Variants in SRGAP3 observed in about 807,000 individuals in gnomAD.
SRGAP3 encodes the protein SLIT-ROBO Rho GTPase activating protein 3, also known as SLIT-ROBO Rho GTPase-activating protein 3.
Under a neutral mutation model 121.1 loss-of-function variants are expected in SRGAP3, and 39 were observed. The ratio of observed to expected loss-of-function variants is 0.32; its 90% CI spans 0.25 to 0.42. The LOEUF is 0.42. Among genes scored for constraint, SRGAP3 ranks in the 10% least tolerant of loss-of-function variants. The pLI is 1.00. For missense variants in SRGAP3, 1,213 were observed against 1,470.6 expected, an observed-to-expected ratio of 0.82 and a Z score of 2.86; for synonymous variants, 601 against 570.0, an observed-to-expected ratio of 1.05 and a Z score of -0.77.
chr3:9,127,777 G>C (rs562664644), intron 1 of SRGAP3, among the ~76,000 whole-genome samples: 1 of 152,176 alleles, frequency 6.6e-6, no homozygotes, highest in Non-Finnish European at 1.5e-5. Flanking sequence ...AATTAGCTGG[G>C]CATGGTGGCA....
intron 1 of SRGAP3, among the ~76,000 whole-genome samples, chr3:9,159,078 G>C (rs1029904384): frequency 6.6e-6 from 1 of 152,096 alleles, no homozygotes; most frequent in Non-Finnish European, 1.5e-5. Context: ...AAGGGCCTCT[G>C]TTCCAGGTTC....
intron 1 of SRGAP3, among the ~76,000 whole-genome samples, chr3:9,180,253 T>C (rs1951333444): frequency 6.6e-6 from 1 of 152,214 alleles, no homozygotes; most frequent in Non-Finnish European, 1.5e-5. Flanking sequence ...CAAGTGGCCA[T>C]TGCTAGGGAA....
rs764045097 is a variant in SRGAP3 at position 8,985,961 on chromosome 3, C to T, written c.2887-29G>A. 19 of 1,599,458 alleles carry T rather than the reference C, an allele frequency of 1.2e-5. No individual in the cohort carries two copies. The Admixed American group carries it at 3.0e-4, about 25-fold the overall frequency. On this transcript the variant is annotated intron_variant, in intron 21 of 21. Coordinates refer to ENST00000383836, the MANE Select transcript of SRGAP3 (RefSeq NM_014850.4). This position sits in a 1 kb window ranked among gnomAD's most constrained non-coding sequence, Gnocchi z 5.1. ...GGGACAGAGGGAGCTGGGGTCAGCA[C>T]AGTCTGGAGACCTGGAGTCAGGTCC...
Position 9,124,706 on chromosome 3 carries a change from C to T in SRGAP3, c.260+19G>A. 6.2e-7 allele frequency: 1 copy of T among 1,613,722 alleles called. No homozygotes were observed. The highest frequency in any genetic ancestry group is 1.7e-4 in the Middle Eastern group (1 of 6,058). On this transcript the variant is annotated intron_variant, in intron 2 of 21. Transcript: ENST00000383836. Reference sequence around the variant, plus strand: ...CAGTGCTGCCTCCCATCTCTGTGCACCCATACCCAACTTCTTACTTGAACT... The same window carrying T: ...CAGTGCTGCCTCCCATCTCTGTGCATCCATACCCAACTTCTTACTTGAACT...
chr3:8,992,916 C>G lies in SRGAP3; in HGVS notation c.2548G>C (p.Val850Leu). Residue 850 changes from valine (V) to leucine (L), a missense_variant, in exon 20 of 22, where the codon GTG becomes CTG. By Grantham distance (32) the Val-to-Leu change is conservative. This residue lies in a region of SRGAP3 where 420 missense variants were observed against 437.7 expected (regional missense o/e 0.96). Coordinates refer to ENST00000383836, the MANE Select transcript of SRGAP3 (RefSeq NM_014850.4). ...EHISDYGFGG[V>L]MGRVRLRSDG... Reference sequence around the variant, plus strand: ...ATCCGCATATCCTACCGGCCCATCACCCCCCCAAAGCCGTAATCCGAGATG... The same window carrying G: ...ATCCGCATATCCTACCGGCCCATCAGCCCCCCAAAGCCGTAATCCGAGATG... 1 of 1,613,910 alleles carries G rather than the reference C, an allele frequency of 6.2e-7. No homozygotes were observed. The highest frequency in any genetic ancestry group is 1.1e-5 in the South Asian group (1 of 91,072).
At chr3:9,176,104 TAG>T (rs1439739875) in intron 1 of SRGAP3, among the ~76,000 whole-genome samples, 1 of 152,106 alleles carries the variant, frequency 6.6e-6, no homozygotes, top group East Asian at 1.9e-4. Context: ...GTATTTTTAG[TAG>T]AGATAGGGTT....
rs1189295090 is a variant in SRGAP3, at chr3:8,985,230, A to G, written c.*289T>C. Reference sequence around the variant, plus strand: ...GAAGTTTCCAGTGACGATATGCGGGAGAAGCCATGTGGTATTTTGCCTCCA... The same window carrying G: ...GAAGTTTCCAGTGACGATATGCGGGGGAAGCCATGTGGTATTTTGCCTCCA... On this transcript the variant is annotated 3_prime_UTR_variant, in exon 22 of 22. Coordinates refer to ENST00000383836, the MANE Select transcript of SRGAP3 (RefSeq NM_014850.4). The surrounding 1 kb of genome is among the most constrained non-coding windows in gnomAD (Gnocchi z 5.1). 3.9e-5 allele frequency: 20 copies of G among 514,574 alleles called. No homozygotes were observed. Among genetic ancestry groups the G allele is most frequent in the Non-Finnish European group, 5.5e-5 (16 of 290,730 alleles). The allele number at this position is 514,574 out of a possible 1,614,324, so 31.9% of individuals were successfully genotyped here. A position where few individuals can be genotyped will look rare whatever the true frequency, so the allele number is the denominator to read the frequency against.
chr3:8,986,366 C>A (rs543082081), intron 21 of SRGAP3, among the ~76,000 whole-genome samples: 28 of 152,290 alleles, frequency 1.8e-4, no homozygotes, highest in African/African-American at 6.5e-4. Flanking sequence ...CCTGGCCTGA[C>A]CCCTGGCACA....
chr3:9,249,209 C>T lies in SRGAP3; in HGVS notation c.-258G>A. 1.8e-6 allele frequency: 1 copy of T among 561,036 alleles called. No homozygotes were observed. Among genetic ancestry groups the T allele is most frequent in the African/African-American group, 1.9e-5 (1 of 53,352 alleles). 34.8% of individuals were successfully genotyped at this position (561,036 alleles called of 1,614,324 possible). On this transcript the variant is annotated 5_prime_UTR_variant, in exon 1 of 22. Coordinates refer to ENST00000383836, the MANE Select transcript of SRGAP3 (RefSeq NM_014850.4). ...TGCAAAAGAAGAATCACCCTAGGAG[C>T]ACAGTAACCTGCCCCAGATTTTCAA...
intron 2 of SRGAP3, among the ~76,000 whole-genome samples, chr3:9,123,404 ATAC>A (rs1220471852): frequency 0.06 from 106 of 1,760 alleles, no homozygotes; most frequent in South Asian, 0.23. Flanking sequence ...CACAATACAC[ATAC>A]ATACACATAC....
At chr3:9,163,664 C>A (rs1052615562) in intron 1 of SRGAP3, among the ~76,000 whole-genome samples, 1 of 152,160 alleles carries the variant, frequency 6.6e-6, no homozygotes, top group Admixed American at 6.5e-5. Context: ...ATCGGCCTGG[C>A]CTGAACCACT....
chr3:9,201,833 A>C (rs113581071), intron 1 of SRGAP3, among the ~76,000 whole-genome samples: 6 of 152,218 alleles, frequency 3.9e-5, no homozygotes. Flanking sequence ...AAAGACACCA[A>C]CATTTCATGA....
chr3:8,987,965 G>C (rs7611316), intron 21 of SRGAP3, among the ~76,000 whole-genome samples: 15 of 152,258 alleles, frequency 9.9e-5, no homozygotes, highest in Admixed American at 3.3e-4. Context: ...GAGCTGCATG[G>C]TGAAACTTTA....
chr3:9,276,457 C>A (rs985339446), intron 3 of SRGAP3, among the ~76,000 whole-genome samples: 1 of 151,192 alleles, frequency 6.6e-6, no homozygotes, highest in African/African-American at 2.4e-5. Flanking sequence ...ATGGAGTCTC[C>A]CACTGTCGCC....
At chr3:9,036,791 T>G (rs938694642) in intron 11 of SRGAP3, 1 of 152,160 alleles carries the variant, frequency 6.6e-6, no homozygotes, top group Non-Finnish European at 1.5e-5. Context: ...ACAGCTTCTG[T>G]TGTTTTGAGA....
chr3:9,018,192 C>A (rs987154910), intron 14 of SRGAP3, among the ~76,000 whole-genome samples: 4 of 152,204 alleles, frequency 2.6e-5, no homozygotes, highest in African/African-American at 9.6e-5. Context: ...TTTCATTCTT[C>A]TTTATGGCTG....
At chr3:9,091,336 A>C (rs141787987) in intron 3 of SRGAP3, among the ~76,000 whole-genome samples, 3 of 152,078 alleles carry the variant, frequency 2.0e-5, no homozygotes, top group African/African-American at 7.2e-5. Flanking sequence ...TGATTTTCCT[A>C]ATTCTGGGAT....
chr3:9,233,698 A>C (rs2125225065), intron 1 of SRGAP3, among the ~76,000 whole-genome samples: 1 of 152,362 alleles, frequency 6.6e-6, no homozygotes, highest in Non-Finnish European at 1.5e-5. Context: ...TCAGCTTTAC[A>C]AATCAGTATC....
chr3:9,140,855 A>T (rs1325186169), intron 1 of SRGAP3, among the ~76,000 whole-genome samples: 1 of 152,156 alleles, frequency 6.6e-6, no homozygotes, highest in Non-Finnish European at 1.5e-5. Context: ...TTTTTAAGAC[A>T]CTCAATATCT....
Sources: gnomAD v4.1 joint callset for allele counts (sites outside exome capture counted in the v4.1 genomes callset) on GRCh38, gnomAD v4.1.1 for gene constraint, gnomAD v4.1.1 regional missense constraint, Gnocchi (gnomAD v3.1) non-coding constraint, MANE v1.5 for transcripts, NCBI Gene and HGNC (gene_info 2026-07-23, HGNC 2026-07-21) for gene names.